Variants in DLGAP2 observed in about 807,000 individuals in gnomAD.
DLGAP2 encodes the protein DLG associated protein 2.
DLGAP2 carries 26 observed loss-of-function variants against 100.3 expected under a neutral mutation model. That is an observed-to-expected ratio of 0.26 (90% CI 0.19 to 0.36). The LOEUF is 0.36. DLGAP2 is among the 10% of genes least tolerant of loss of function. The pLI, the probability that DLGAP2 is intolerant of heterozygous loss-of-function variation, is 1.00. For missense variants in DLGAP2, 1,858 were observed against 1,453.2 expected, an observed-to-expected ratio of 1.28 and a Z score of -4.53; for synonymous variants, 886 against 630.1, an observed-to-expected ratio of 1.41 and a Z score of -6.08.
At chr8:1,358,826 C>G (rs564705654) in intron 3 of DLGAP2, among the ~76,000 whole-genome samples, 40 of 150,990 alleles carry the variant, frequency 2.6e-4, no homozygotes, top group African/African-American at 9.7e-4. Flanking sequence ...CGTTTGTCAT[C>G]AGAGGCAGAA....
At chr8:1,375,346 C>T (rs796530942) in intron 3 of DLGAP2, among the ~76,000 whole-genome samples, 362 of 32,752 alleles carry the variant, frequency 0.011, 2 homozygotes, top group African/African-American at 0.03. Context: ...GTTAACGACA[C>T]CTCTCCACGG....
At chr8:1,308,663 C>T (rs1381454013) in intron 3 of DLGAP2, among the ~76,000 whole-genome samples, 1 of 152,104 alleles carries the variant, frequency 6.6e-6, no homozygotes, top group Admixed American at 6.6e-5. Context: ...CTAGTTGGGA[C>T]TACAGGTGCC....
intron 2 of DLGAP2, among the ~76,000 whole-genome samples, chr8:1,054,252 A>G (rs545108150): frequency 1.3e-5 from 2 of 151,964 alleles, no homozygotes; most frequent in African/African-American, 4.8e-5. Context: ...ACACACACGT[A>G]CACACACGCA....
chr8:1,439,947 A>G (rs1797779771), intron 3 of DLGAP2, among the ~76,000 whole-genome samples: 1 of 152,186 alleles, frequency 6.6e-6, no homozygotes, highest in Non-Finnish European at 1.5e-5. Flanking sequence ...TTAAGGTCAC[A>G]GTATATTTTG....
At chr8:1,067,119 A>T (rs952464164) in intron 2 of DLGAP2, among the ~76,000 whole-genome samples, 6 of 152,150 alleles carry the variant, frequency 3.9e-5, no homozygotes, top group African/African-American at 1.4e-4. Flanking sequence ...CTCTCCGCAC[A>T]GCCCCCTCTG....
chr8:1,316,169 G>C (rs1287096768), intron 3 of DLGAP2, among the ~76,000 whole-genome samples: 2 of 121,178 alleles, frequency 1.7e-5, no homozygotes, highest in African/African-American at 5.9e-5. Flanking sequence ...GTCTACACTC[G>C]AGAAACTCAG....
chr8:1,032,363 A>G (rs912340740), intron 2 of DLGAP2, among the ~76,000 whole-genome samples: 2 of 152,342 alleles, frequency 1.3e-5, no homozygotes, highest in Non-Finnish European at 2.9e-5. Flanking sequence ...GTCACTCGGC[A>G]GGACCTGGCT....
At chr8:843,035 G>A (rs1007126030) in intron 1 of DLGAP2, among the ~76,000 whole-genome samples, 2 of 152,132 alleles carry the variant, frequency 1.3e-5, no homozygotes, top group Non-Finnish European at 2.9e-5. Context: ...TACCTCTGGC[G>A]GGCTTTCGTT....
At chr8:1,310,163 C>T (rs1046278252) in intron 3 of DLGAP2, among the ~76,000 whole-genome samples, 2 of 150,616 alleles carry the variant, frequency 1.3e-5, no homozygotes, top group African/African-American at 4.9e-5. Flanking sequence ...AATTTATCTT[C>T]AAAGAAAGTA....
chr8:914,859 T>C (rs1798558055), intron 2 of DLGAP2, among the ~76,000 whole-genome samples: 1 of 152,232 alleles, frequency 6.6e-6, no homozygotes, highest in South Asian at 2.1e-4. Flanking sequence ...GGGACCTTTC[T>C]GTGTGGTGCA....
intron 1 of DLGAP2, among the ~76,000 whole-genome samples, chr8:851,692 G>GT (rs1175458651): frequency 6.6e-6 from 1 of 152,174 alleles, no homozygotes; most frequent in Non-Finnish European, 1.5e-5. Flanking sequence ...AAAGCATGCA[G>GT]TTTTGTGTGA....
At chr8:1,464,897 A>G (rs965981064) in intron 3 of DLGAP2, among the ~76,000 whole-genome samples, 1 of 151,114 alleles carries the variant, frequency 6.6e-6, no homozygotes, top group African/African-American at 2.4e-5. Context: ...CTTCACAAAA[A>G]AAAAGTAGTA....
At position 1,678,465 on chromosome 8, in the gene DLGAP2, C is replaced by T; in HGVS notation, c.2540C>T (p.Pro847Leu). 1 of 1,613,390 alleles carries T rather than the reference C, an allele frequency of 6.2e-7. No homozygotes were observed. ...VDTSTLPPPD[P>L]WLEPAIDTVE... is the part of the protein sequence containing the mutation. Reference sequence around the variant, plus strand: ...ACCTCCACCCTGCCCCCTCCAGACCCCTGGCTGGAGCCCGCCATCGACACG... The same window carrying T: ...ACCTCCACCCTGCCCCCTCCAGACCTCTGGCTGGAGCCCGCCATCGACACG... Residue 847 changes from proline (P) to leucine (L), a missense_variant, in exon 12 of 15, where the codon CCC becomes CTC. By Grantham distance (98) the Pro-to-Leu change is moderately conservative (BLOSUM62 -3). Transcript: ENST00000637795.
chr8:1,281,556 A>C (rs955680159), intron 3 of DLGAP2, among the ~76,000 whole-genome samples: 2 of 152,160 alleles, frequency 1.3e-5, no homozygotes, highest in African/African-American at 4.8e-5. Flanking sequence ...GCCAGCATTA[A>C]AGACATGAGC....
At chr8:955,135 T>A (rs1799567808) in intron 2 of DLGAP2, among the ~76,000 whole-genome samples, 1 of 151,980 alleles carries the variant, frequency 6.6e-6, no homozygotes, top group Non-Finnish European at 1.5e-5. Flanking sequence ...ACACCAGGCG[T>A]CATCACCTGG....
At chr8:1,535,116 G>C (rs1239790916) in intron 4 of DLGAP2, among the ~76,000 whole-genome samples, 1 of 152,230 alleles carries the variant, frequency 6.6e-6, no homozygotes, top group Non-Finnish European at 1.5e-5. Flanking sequence ...AATCGAGGGA[G>C]GCAGGCCCTG....
At chr8:1,674,984 T>G (rs868163041) in intron 10 of DLGAP2, among the ~76,000 whole-genome samples, 33 of 152,350 alleles carry the variant, frequency 2.2e-4, no homozygotes, top group Middle Eastern at 3.4e-3. Flanking sequence ...GTGACCCACT[T>G]AACACTAGAA....
chr8:757,892 C>G (rs1180245760), intron 1 of DLGAP2, among the ~76,000 whole-genome samples: 1 of 152,140 alleles, frequency 6.6e-6, no homozygotes, highest in Non-Finnish European at 1.5e-5. Context: ...CCAAATGCGT[C>G]TTGTCTCCTC....
chr8:1,072,638 A>G (rs183839362), intron 2 of DLGAP2, among the ~76,000 whole-genome samples: 1 of 152,242 alleles, frequency 6.6e-6, no homozygotes, highest in East Asian at 1.9e-4. Context: ...TGACCTTGCT[A>G]TCCTTTCAAA....
Sources: allele counts gnomAD v4.1 joint callset (sites outside exome capture counted in the v4.1 genomes callset), GRCh38; gene constraint gnomAD v4.1.1; transcripts MANE v1.5; gene names NCBI Gene and HGNC (gene_info 2026-07-23, HGNC 2026-07-21).